Variants in SHANK2 observed in about 807,000 individuals in gnomAD.
SHANK2 encodes SH3 and multiple ankyrin repeat domains protein 2.
SHANK2 carries 43 observed loss-of-function variants against 133.7 expected under a neutral mutation model. The observed-to-expected ratio is 0.32, with a 90% CI of 0.25 to 0.41. The LOEUF (loss-of-function observed/expected upper bound fraction) is 0.41, where lower values mean the gene tolerates loss of function less well. Ranked by LOEUF, SHANK2 falls within the 10% of genes least tolerant of loss-of-function variation. The pLI is 1.00. For missense variants in SHANK2, 1,994 were observed against 2,235.8 expected (o/e 0.89, Z 2.18); for synonymous variants, 1,017 against 952.8 (o/e 1.07, Z -1.24).
At chr11:70,605,829 G>A (rs182605312) in intron 17 of SHANK2, among the ~76,000 whole-genome samples, 41 of 152,326 alleles carry the variant, frequency 2.7e-4, no homozygotes, top group African/African-American at 9.9e-4. Context: ...CAGGACGGCA[G>A]GTGGGCTGGC....
intron 4 of SHANK2, 27 bp downstream of exon 4, chr11:71,118,802 G>C: frequency 1.3e-6 from 2 of 1,522,198 alleles, no homozygotes; most frequent in South Asian, 2.6e-5. Flanking sequence ...CACAACCACA[G>C]TCCATGCACT....
intron 9 of SHANK2, among the ~76,000 whole-genome samples, chr11:71,066,666 A>G (rs1056117010): frequency 1.3e-5 from 2 of 152,186 alleles, no homozygotes; most frequent in Admixed American, 1.3e-4. Flanking sequence ...CCAAAGTGTA[A>G]ATCAGGAGTT....
intron 17 of SHANK2, among the ~76,000 whole-genome samples, chr11:70,522,921 G>A (rs1399526708): frequency 2.6e-5 from 4 of 152,038 alleles, no homozygotes; most frequent in South Asian, 2.1e-4. Flanking sequence ...GGCAACGTGC[G>A]GCCGCGGGCA....
intron 10 of SHANK2, among the ~76,000 whole-genome samples, chr11:70,916,400 G>A (rs1950269665): frequency 6.6e-6 from 1 of 152,088 alleles, no homozygotes; most frequent in South Asian, 2.1e-4. Flanking sequence ...TGGCCACACA[G>A]TGGACAGAGG....
At chr11:70,859,617 T>C (rs1290182047) in intron 11 of SHANK2, among the ~76,000 whole-genome samples, 7 of 152,168 alleles carry the variant, frequency 4.6e-5, no homozygotes, top group African/African-American at 1.4e-4. Flanking sequence ...TATCATCACC[T>C]ATACAACTGA....
intron 15 of SHANK2, among the ~76,000 whole-genome samples, chr11:70,687,877 C>T (rs797039408): frequency 2.2e-4 from 34 of 152,258 alleles, no homozygotes; most frequent in Admixed American, 1.0e-3. Context: ...GCTGCTGCTC[C>T]GATGGCCCCA....
rs1034655011 is a variant in SHANK2 at position 70,636,947 on chromosome 11, C to T, written c.2061+22881G>A. On this transcript the variant is annotated intron_variant, in intron 17 of 25. Transcript: ENST00000601538. ...TCCTGGGGTTGTCACGACAAATCAC[C>T]GCAAACCAAGGGGCTTCAAACAACA... is the stretch of plus-strand genomic sequence containing the variant. 4.6e-5 allele frequency among the ~76,000 whole-genome samples: 7 copies of T among 151,806 alleles called. No individual in the cohort carries two copies. The South Asian group carries it at 6.3e-4, about 14-fold the overall frequency.
chr11:70,895,804 A>G (rs1015515778), intron 11 of SHANK2, among the ~76,000 whole-genome samples: 3 of 152,088 alleles, frequency 2.0e-5, no homozygotes, highest in Admixed American at 6.6e-5. Flanking sequence ...GATGCTTAGC[A>G]CATTCTCCAG....
intron 17 of SHANK2, among the ~76,000 whole-genome samples, chr11:70,606,058 G>C (rs1242622815): frequency 6.6e-6 from 1 of 152,146 alleles, no homozygotes; most frequent in Non-Finnish European, 1.5e-5. Flanking sequence ...CAGCAGATCG[G>C]GGCTGCTTCA....
At chr11:70,639,016 A>AC (rs1181070146) in intron 17 of SHANK2, among the ~76,000 whole-genome samples, 2 of 139,840 alleles carry the variant, frequency 1.4e-5, no homozygotes, top group East Asian at 1.9e-4. Flanking sequence ...AAAAAAACAA[A>AC]AAAAAAACAA....
In SHANK2 at chr11:71,217,720, C is replaced by CA. The variant is rs539934607; in HGVS notation, c.-13+6976dup. On this transcript the variant is annotated intron_variant, in intron 2 of 25. Transcript: ENST00000601538. The stretch of plus-strand genomic sequence containing the variant: ...TGTGGATTTGTGTCTTAGTTTTTAA[C>CA]AAAAAAATTAAAAAGTAAAAAAGTC... Among the ~76,000 whole-genome samples, 9 of 151,678 alleles carry CA rather than the reference C, an allele frequency of 5.9e-5. No homozygotes were observed. The South Asian group carries it at 1.9e-3, about 32-fold the overall frequency.
At chr11:70,591,214 C>T (rs562586968) in intron 17 of SHANK2, among the ~76,000 whole-genome samples, 1 of 151,758 alleles carries the variant, frequency 6.6e-6, no homozygotes, top group Admixed American at 6.6e-5. Context: ...TAGCTGGGTG[C>T]GGTGGTGAGT....
intron 17 of SHANK2, among the ~76,000 whole-genome samples, chr11:70,509,373 G>A (rs563878858): frequency 1.3e-5 from 2 of 152,344 alleles, no homozygotes; most frequent in African/African-American, 2.4e-5. Context: ...CCTCCCCCAG[G>A]GGCCCAGTGT....
chr11:70,636,604 T>G (rs2061096879), intron 17 of SHANK2, among the ~76,000 whole-genome samples: 1 of 148,284 alleles, frequency 6.7e-6, no homozygotes, highest in Admixed American at 6.7e-5. Flanking sequence ...AGTGTATGAG[T>G]GTGTGTATGC....
At chr11:70,715,477 G>T (rs896460868) in intron 14 of SHANK2, among the ~76,000 whole-genome samples, 7 of 152,208 alleles carry the variant, frequency 4.6e-5, no homozygotes, top group African/African-American at 1.4e-4. Context: ...GACACCGTAG[G>T]AGGGGAGGCT....
At position 71,175,516 on chromosome 11, in the gene SHANK2, AACAG is replaced by A. The variant is rs201714492; in HGVS notation, c.-12-28182_-12-28179del. 6.0e-3 allele frequency among the ~76,000 whole-genome samples: 877 copies of A among 147,146 alleles called. 9 individuals are homozygous for A. Among genetic ancestry groups the A allele is most frequent in the African/African-American group, 0.021 (830 of 39,766 alleles). ...GGGACAAAAAAGGCAGAGGGGCAGA[AACAG>A]ACAGACAGACAGACAGAGGGAGAGG... On this transcript the variant is annotated intron_variant, in intron 2 of 25. Transcript: ENST00000601538. The surrounding 1 kb of genome is among the most constrained non-coding windows in gnomAD (Gnocchi z 4.2).
intron 2 of SHANK2, among the ~76,000 whole-genome samples, chr11:71,210,353 A>C (rs1286231503): frequency 2.0e-5 from 3 of 149,532 alleles, no homozygotes; most frequent in African/African-American, 7.4e-5. Context: ...GGTTCATGCC[A>C]TTCTCCTGCC....
At chr11:70,563,325 C>G (rs2059930825) in intron 17 of SHANK2, among the ~76,000 whole-genome samples, 2 of 152,222 alleles carry the variant, frequency 1.3e-5, no homozygotes, top group East Asian at 3.8e-4. Flanking sequence ...GTGTACAATA[C>G]AAGAACTTAC....
At chr11:70,768,523 C>T (rs1323656270) in intron 14 of SHANK2, among the ~76,000 whole-genome samples, 6 of 152,106 alleles carry the variant, frequency 3.9e-5, no homozygotes, top group African/African-American at 1.2e-4. Flanking sequence ...TTGTTGGCAG[C>T]AGAGAGAGCT....
Sources: allele counts gnomAD v4.1 joint callset (sites outside exome capture counted in the v4.1 genomes callset), GRCh38; gene constraint gnomAD v4.1.1; non-coding constraint Gnocchi (gnomAD v3.1); transcripts MANE v1.5; gene names NCBI Gene and HGNC (gene_info 2026-07-23, HGNC 2026-07-21).